The following CREB5 variants were observed in gnomAD, a reference collection of about 807,000 sequenced individuals.
CREB5 encodes the protein cAMP responsive element binding protein 5.
CREB5 carries 19 observed loss-of-function variants against 57.1 expected under a neutral mutation model. The observed-to-expected ratio is 0.33, with a 90% CI of 0.23 to 0.49. CREB5 has a LOEUF of 0.49. CREB5 is among the 20% of genes least tolerant of loss of function. The probability of loss-of-function intolerance (pLI) is 0.99; values close to 1 mark genes in which losing one functional copy is unlikely to be tolerated. For synonymous variants in CREB5, 238 were observed against 238.3 expected (o/e 1.00, Z 0.01); for missense variants, 579 against 671.6 (o/e 0.86, Z 1.52).
intron 5 of CREB5, among the ~76,000 whole-genome samples, chr7:28,661,040 C>A (rs1017469695): frequency 6.6e-6 from 1 of 151,808 alleles, no homozygotes; most frequent in African/African-American, 2.4e-5. Flanking sequence ...AGCTTTTATC[C>A]CTGGAAATGT....
At chr7:28,350,743 G>A (rs944667799) in intron 1 of CREB5, among the ~76,000 whole-genome samples, 5 of 152,068 alleles carry the variant, frequency 3.3e-5, no homozygotes, top group African/African-American at 1.2e-4. Context: ...GGGTAGGCAA[G>A]GAGAAGAGGG....
chr7:28,406,420 C>T (rs1400134793), intron 1 of CREB5, among the ~76,000 whole-genome samples: 1 of 152,220 alleles, frequency 6.6e-6, no homozygotes, highest in African/African-American at 2.4e-5. Context: ...CTGCCACCGC[C>T]AATGGTACCT....
chr7:28,327,885 G>A (rs958075268), intron 1 of CREB5, among the ~76,000 whole-genome samples: 2 of 152,184 alleles, frequency 1.3e-5, no homozygotes, highest in Non-Finnish European at 2.9e-5. Context: ...GGATAAATGA[G>A]TTACTTTATA....
intron 1 of CREB5, among the ~76,000 whole-genome samples, chr7:28,476,345 ACTCTGTG>A (rs1046418049): frequency 5.2e-4 from 79 of 152,204 alleles, no homozygotes; most frequent in African/African-American, 1.8e-3. Flanking sequence ...TGTATACATA[ACTCTGTG>A]CCATGTGCCA....
In CREB5 at chr7:28,560,973, C is replaced by CGTGCGCGT. The variant is rs1795222771; in HGVS notation, c.292-9389_292-9388insCGCGTGTG. ...GTGCGTGTGTGTGCGTGTGTGTGTG[C>CGTGCGCGT]GTGTGTGCGTGCGTGTGTGTGCCTG... On this transcript the variant is annotated intron_variant, in intron 4 of 10. Coordinates refer to ENST00000357727, the MANE Select transcript of CREB5 (RefSeq NM_182898.4). Among the ~76,000 whole-genome samples the CGTGCGCGT allele has an allele frequency of 1.3e-4, 4 of 31,692 alleles. 1 individual carries two copies. The highest frequency in any genetic ancestry group is 2.7e-4 in the Non-Finnish European group (4 of 14,950). The allele number at this position is 31,692 out of a possible 152,430, so 20.8% of individuals were successfully genotyped here.
Position 28,430,140 on chromosome 7 carries a change from T to C in CREB5, c.3+17223T>C, listed in dbSNP as rs538955303. ...TTTGGAAACACACACCCTGGCTCCA[T>C]GGATACATATTTGTGTATTACACAT... On this transcript the variant is annotated intron_variant, in intron 1 of 10. Transcript: ENST00000357727. Among the ~76,000 whole-genome samples the C allele has an allele frequency of 1.7e-4, 26 of 152,340 alleles. No homozygotes were observed. The South Asian group carries it at 5.4e-3, about 32-fold the overall frequency.
At chr7:28,321,022 C>T (rs992305608) in intron 1 of CREB5, among the ~76,000 whole-genome samples, 1 of 152,192 alleles carries the variant, frequency 6.6e-6, no homozygotes, top group Non-Finnish European at 1.5e-5. Flanking sequence ...AAACCCTGGG[C>T]AAATTACCTG....
chr7:28,593,894 A>C (rs1796609240), intron 5 of CREB5, among the ~76,000 whole-genome samples: 1 of 152,216 alleles, frequency 6.6e-6, no homozygotes, highest in South Asian at 2.1e-4. Flanking sequence ...GTAAAACTAT[A>C]GGAAGAAACT....
intron 4 of CREB5, among the ~76,000 whole-genome samples, chr7:28,548,407 GT>G (rs1794497066): frequency 6.6e-6 from 1 of 152,146 alleles, no homozygotes; most frequent in East Asian, 1.9e-4. Context: ...TCTAAAATGT[GT>G]TAAACTGTCT....
At chr7:28,531,954 A>G (rs1033947903) in intron 4 of CREB5, among the ~76,000 whole-genome samples, 1 of 152,198 alleles carries the variant, frequency 6.6e-6, no homozygotes, top group Non-Finnish European at 1.5e-5. Flanking sequence ...GTTTGAACCC[A>G]GGAGGCGGAG....
intron 5 of CREB5, among the ~76,000 whole-genome samples, chr7:28,679,487 G>T (rs1401866638): frequency 6.6e-6 from 1 of 152,138 alleles, no homozygotes; most frequent in South Asian, 2.1e-4. Flanking sequence ...GGGTGTAAAA[G>T]GGAGGGGACG....
intron 4 of CREB5, among the ~76,000 whole-genome samples, chr7:28,517,138 A>T (rs1792997528): frequency 6.6e-6 from 1 of 152,178 alleles, no homozygotes; most frequent in Non-Finnish European, 1.5e-5. Flanking sequence ...CAAATGATAG[A>T]CTCAGCATCT....
intron 1 of CREB5, among the ~76,000 whole-genome samples, chr7:28,360,869 T>A (rs978261534): frequency 1.3e-5 from 2 of 152,094 alleles, no homozygotes; most frequent in East Asian, 3.9e-4. Flanking sequence ...GAAAAATAGT[T>A]TTTGTCAGTG....
At chr7:28,401,726 T>C (rs1487323075) in intron 1 of CREB5, among the ~76,000 whole-genome samples, 1 of 152,230 alleles carries the variant, frequency 6.6e-6, no homozygotes, top group Non-Finnish European at 1.5e-5. Context: ...TCCATGTTCC[T>C]ACAAAGGACA....
At position 28,572,057 on chromosome 7, in the gene CREB5, TC is replaced by T. The variant is rs1194151734; in HGVS notation, c.464+1522del. On this transcript the variant is annotated intron_variant, in intron 5 of 10. Coordinates refer to ENST00000357727, the MANE Select transcript of CREB5 (RefSeq NM_182898.4). ...TCTTGTTTTTCGGTGTTATAAGAAT[TC>T]CAGACCTGCAGGGAACACTGGCTTA... 2.0e-5 allele frequency among the ~76,000 whole-genome samples: 3 copies of T among 152,202 alleles called. No homozygotes were observed. The East Asian group carries it at 5.8e-4, about 29-fold the overall frequency.
intron 1 of CREB5, among the ~76,000 whole-genome samples, chr7:28,324,277 C>G (rs902831587): frequency 1.3e-5 from 2 of 152,096 alleles, no homozygotes; most frequent in Admixed American, 1.3e-4. Flanking sequence ...CAGAGCAAAC[C>G]TTCTTTAAGA....
intron 1 of CREB5, among the ~76,000 whole-genome samples, chr7:28,313,731 C>T (rs1785324282): frequency 6.6e-6 from 1 of 152,196 alleles, no homozygotes; most frequent in Admixed American, 6.5e-5. Flanking sequence ...CTCAATACCC[C>T]TTCACGGTTT....
At chr7:28,424,381 A>T (rs978180202) in intron 1 of CREB5, among the ~76,000 whole-genome samples, 2 of 152,216 alleles carry the variant, frequency 1.3e-5, no homozygotes, top group African/African-American at 4.8e-5. Context: ...ATTGGGAGTG[A>T]TATGTTTTCT....
intron 5 of CREB5, among the ~76,000 whole-genome samples, chr7:28,707,572 G>A (rs1036108267): frequency 2.6e-5 from 4 of 152,194 alleles, no homozygotes; most frequent in African/African-American, 9.7e-5. Flanking sequence ...TCTGGAATAA[G>A]TGACAATAAT....
Sources: gnomAD v4.1 joint callset for allele counts (sites outside exome capture counted in the v4.1 genomes callset) on GRCh38, gnomAD v4.1.1 for gene constraint, MANE v1.5 for transcripts, NCBI Gene and HGNC (gene_info 2026-07-23, HGNC 2026-07-21) for gene names.